MINDY4: variants seen among roughly 807,000 people sequenced by gnomAD.
MINDY4 encodes probable ubiquitin carboxyl-terminal hydrolase MINDY-4.
A neutral mutation model predicts 87.0 loss-of-function variants in MINDY4; 68 were observed. The ratio of observed to expected loss-of-function variants is 0.78; its 90% CI spans 0.64 to 0.96. The LOEUF is 0.96. Ranked by LOEUF, MINDY4 falls within the 40% of genes least tolerant of loss-of-function variation. The pLI is 0.00. For synonymous variants in MINDY4, 379 were observed against 363.2 expected (o/e 1.04, Z -0.50); for missense variants, 919 against 928.2 (o/e 0.99, Z 0.13).
rs778533959 is a variant in MINDY4, at chr7:30,853,400, C to T, written c.1618C>T (p.Leu540Phe). ...KADGVLETLT[L>F]HSLTCYEDLV... Reference sequence around the variant, plus strand: ...AGTGTTTGTGTCTTCTCAGCTTACGCTTCACAGTTTGACCTGCTATGAGGA... The same window carrying T: ...AGTGTTTGTGTCTTCTCAGCTTACGTTTCACAGTTTGACCTGCTATGAGGA... The change falls in exon 12 of 18, where the codon CTT becomes TTT. Residue 540 changes from leucine (L) to phenylalanine (F), a missense_variant. By Grantham distance (22) the Leu-to-Phe change is conservative. Transcript: ENST00000265299. 6.2e-7 allele frequency: 1 copy of T among 1,613,466 alleles called. No homozygotes were observed. The highest frequency in any genetic ancestry group is 1.3e-5 in the African/African-American group (1 of 74,942).
At chr7:30,877,087 G>A (rs1488768672) in intron 15 of MINDY4, among the ~76,000 whole-genome samples, 1 of 152,144 alleles carries the variant, frequency 6.6e-6, no homozygotes, top group Non-Finnish European at 1.5e-5. Flanking sequence ...CGGGAAAAAA[G>A]AATGAGAGTA....
At chr7:30,828,553 A>G in intron 5 of MINDY4, 126 bp from the exon 6 acceptor site, 3 of 945,304 alleles carry the variant, frequency 3.2e-6, no homozygotes, top group Admixed American at 3.6e-5. Flanking sequence ...CAAGGCACAC[A>G]GAGGCAAGGC....
intron 5 of MINDY4, among the ~76,000 whole-genome samples, chr7:30,811,916 C>T (rs1442757051): frequency 2.0e-5 from 3 of 152,136 alleles, no homozygotes; most frequent in Non-Finnish European, 2.9e-5. Flanking sequence ...AGCTCCTGGC[C>T]GAATAAAGCC....
At chr7:30,782,324 GTC>G (rs1787029297) in intron 3 of MINDY4, 112 bp downstream of exon 3, 2 of 766,686 alleles carry the variant, frequency 2.6e-6, no homozygotes, top group South Asian at 3.6e-5. Flanking sequence ...AATCAATATA[GTC>G]TCTGTGTGTG....
intron 13 of MINDY4, among the ~76,000 whole-genome samples, chr7:30,871,144 A>G (rs1392017449): frequency 1.3e-5 from 2 of 149,150 alleles, no homozygotes; most frequent in Non-Finnish European, 1.5e-5. Flanking sequence ...TGTTCCCCCC[A>G]GGGTCATGTG....
At chr7:30,794,341 C>T (rs77239267) in intron 5 of MINDY4, among the ~76,000 whole-genome samples, 8,034 of 152,124 alleles carry the variant, frequency 0.053, 652 homozygotes, top group African/African-American at 0.18. Context: ...TCTTCTAAAG[C>T]GTGGGAAAGT....
At chr7:30,843,975 G>A (rs1439157129) in intron 9 of MINDY4, among the ~76,000 whole-genome samples, 1 of 152,216 alleles carries the variant, frequency 6.6e-6, no homozygotes, top group Non-Finnish European at 1.5e-5. Flanking sequence ...AGCTGGGAGA[G>A]CACGGCCTGC....
intron 4 of MINDY4, among the ~76,000 whole-genome samples, chr7:30,790,300 T>C (rs777086572): frequency 6.6e-6 from 1 of 152,176 alleles, no homozygotes; most frequent in African/African-American, 2.4e-5. Flanking sequence ...TACTAGGGTT[T>C]GTGGTAGCAC....
chr7:30,811,552 G>T (rs1361965267), intron 5 of MINDY4, among the ~76,000 whole-genome samples: 1 of 152,172 alleles, frequency 6.6e-6, no homozygotes, highest in African/African-American at 2.4e-5. Context: ...ATTGTCTTAT[G>T]CCCGATTTCT....
At chr7:30,795,232 C>G (rs1425772467) in intron 5 of MINDY4, among the ~76,000 whole-genome samples, 2 of 152,238 alleles carry the variant, frequency 1.3e-5, no homozygotes, top group Non-Finnish European at 2.9e-5. Flanking sequence ...TGCTGGGCAT[C>G]TAGCAATAGG....
chr7:30,831,545 C>T (rs1250088323), intron 6 of MINDY4, among the ~76,000 whole-genome samples: 2 of 152,174 alleles, frequency 1.3e-5, no homozygotes, highest in Non-Finnish European at 2.9e-5. Flanking sequence ...GATCCAGAGG[C>T]TGGACCGGCA....
chr7:30,779,023 A>T (rs1786915283), intron 2 of MINDY4, among the ~76,000 whole-genome samples: 1 of 152,130 alleles, frequency 6.6e-6, no homozygotes, highest in South Asian at 2.1e-4. Context: ...GGTTCAGCTA[A>T]CCCAGGTGCA....
chr7:30,774,920 A>C (rs997218380), intron 1 of MINDY4, among the ~76,000 whole-genome samples: 1 of 151,850 alleles, frequency 6.6e-6, no homozygotes, highest in African/African-American at 2.4e-5. Flanking sequence ...CATACCATCT[A>C]TATGCTGACA....
chr7:30,818,943 A>G (rs1000566413), intron 5 of MINDY4, among the ~76,000 whole-genome samples: 1 of 152,108 alleles, frequency 6.6e-6, no homozygotes, highest in South Asian at 2.1e-4. Flanking sequence ...CACTCTTAGT[A>G]TTGTTTATTT....
intron 5 of MINDY4, among the ~76,000 whole-genome samples, chr7:30,820,167 C>T (rs971727055): frequency 2.6e-5 from 4 of 152,068 alleles, no homozygotes; most frequent in Admixed American, 6.5e-5. Context: ...TCCCAAAGTG[C>T]TGGGATTACA....
intron 11 of MINDY4, among the ~76,000 whole-genome samples, chr7:30,852,744 A>T (rs1162928705): frequency 6.6e-6 from 1 of 152,238 alleles, no homozygotes; most frequent in Non-Finnish European, 1.5e-5. Flanking sequence ...ATAATGGAAG[A>T]CATACATTTT....
At chr7:30,829,776 T>G (rs1788639203) in intron 6 of MINDY4, among the ~76,000 whole-genome samples, 1 of 152,198 alleles carries the variant, frequency 6.6e-6, no homozygotes, top group Non-Finnish European at 1.5e-5. Context: ...AAACCCTTTT[T>G]GTGCACCACT....
intron 5 of MINDY4, among the ~76,000 whole-genome samples, chr7:30,816,477 G>C (rs1026208562): frequency 1.3e-5 from 2 of 152,170 alleles, no homozygotes; most frequent in African/African-American, 4.8e-5. Flanking sequence ...AGAGAGTTAA[G>C]CTGAGAAACC....
chr7:30,808,131 A>G (rs1372036601), intron 5 of MINDY4, among the ~76,000 whole-genome samples: 1 of 152,196 alleles, frequency 6.6e-6, no homozygotes, highest in Non-Finnish European at 1.5e-5. Context: ...CGGGTAGGCA[A>G]CTGCCCCGGT....
Sources: gnomAD v4.1 joint callset for allele counts (sites outside exome capture counted in the v4.1 genomes callset) on GRCh38, gnomAD v4.1.1 for gene constraint, MANE v1.5 for transcripts, NCBI Gene and HGNC (gene_info 2026-07-23, HGNC 2026-07-21) for gene names.